CLCC1: variants seen among roughly 807,000 people sequenced by gnomAD.
CLCC1 encodes chloride channel CLIC-like protein 1.
A neutral mutation model predicts 63.3 loss-of-function variants in CLCC1; 39 were observed. The ratio of observed to expected loss-of-function variants is 0.62; its 90% CI spans 0.48 to 0.81. The LOEUF (loss-of-function observed/expected upper bound fraction) is 0.81. Among genes scored for constraint, CLCC1 ranks in the 30% least tolerant of loss-of-function variants. The pLI is 0.00. For synonymous variants in CLCC1, 217 were observed against 239.8 expected, an observed-to-expected ratio of 0.90 and a Z score of 0.88; for missense variants, 549 against 669.4, an observed-to-expected ratio of 0.82 and a Z score of 1.98.
At chr1:108,944,188 G>C (rs1346969394) in intron 5 of CLCC1, 131 bp from the exon 6 acceptor site, 1 of 689,888 alleles carries the variant, frequency 1.4e-6, no homozygotes, top group African/African-American at 1.8e-5. Context: ...AAGAATAATA[G>C]CCTGGGCAAG....
intron 10 of CLCC1, 135 bp from the exon 11 acceptor site, chr1:108,937,553 AT>A (rs1266728645): frequency 5.2e-6 from 4 of 764,542 alleles, no homozygotes; most frequent in Non-Finnish European, 7.8e-6. Context: ...AAACATGTTA[AT>A]TTGACTTTTT....
chr1:108,930,187 C>A lies in CLCC1; in HGVS notation c.*2360G>T. The A allele has an allele frequency of 2.2e-6, 1 of 449,548 alleles. No homozygotes were observed. The allele number at this position is 449,548 out of a possible 1,614,324, so 27.8% of individuals were successfully genotyped here. ...CTGCTTGGGATGTGTTCTTTGGCAG[C>A]TTGTGAGATTACTTTACCTAGTGTT... On this transcript the variant is annotated 3_prime_UTR_variant, in exon 13 of 13. Transcript: ENST00000369969.
chr1:108,940,339 CCATT>C (rs1465168928), intron 8 of CLCC1, among the ~76,000 whole-genome samples, 197 bp from the exon 9 acceptor site: 2 of 151,966 alleles, frequency 1.3e-5, no homozygotes, highest in African/African-American at 4.8e-5. Context: ...TTTTAAAAAT[CCATT>C]CAAATTATAC....
Position 108,939,755 on chromosome 1 carries a change from C to A in CLCC1, c.922G>T (p.Val308Leu). The A allele has an allele frequency of 6.2e-7, 1 of 1,614,052 alleles. No homozygotes were observed. The highest frequency in any genetic ancestry group is 8.5e-7 in the Non-Finnish European group (1 of 1,179,988). ...KALAVTFTTF[V>L]TEPLKHIGKG... is the part of the protein sequence containing the mutation. ...CCAATATGCTTCAATGGCTCCGTTA[C>A]AAATGTGGTGAATGTAACTGCAAGT... is the stretch of plus-strand genomic sequence containing the variant. Residue 308 changes from valine (V) to leucine (L), a missense_variant, in exon 10 of 13, where the codon GTA becomes TTA. Coordinates refer to ENST00000369969, the MANE Select transcript of CLCC1 (RefSeq NM_001377458.1).
chr1:108,935,785 G>C (rs1652832814), intron 11 of CLCC1, among the ~76,000 whole-genome samples: 1 of 152,026 alleles, frequency 6.6e-6, no homozygotes, highest in African/African-American at 2.4e-5. Context: ...ATGAGTAAAG[G>C]CCTGAAGAAA....
Position 108,947,638 on chromosome 1 carries a change from A to C in CLCC1, c.312T>G (p.Ile104Met). 6.2e-7 allele frequency: 1 copy of C among 1,611,320 alleles called. No individual in the cohort carries two copies. The highest frequency in any genetic ancestry group is 8.5e-7 in the Non-Finnish European group (1 of 1,178,490). The change falls in exon 5 of 13, where the codon ATT (isoleucine) becomes ATG (methionine). Residue 104 changes from isoleucine to methionine, a missense_variant. Physicochemically the swap from Ile to Met is conservative, Grantham distance 10. Transcript: ENST00000369969. ...NPVFRRYLNK[I>M]LIEAGKLGLP... ...GTCCAAGCTTTCCAGCTTCAATTAA[A>C]ATCTTATTTAAGTATCTCCTAAAAA...
At chr1:108,937,898 T>G (rs1653253732) in intron 10 of CLCC1, among the ~76,000 whole-genome samples, 1 of 152,204 alleles carries the variant, frequency 6.6e-6, no homozygotes, top group South Asian at 2.1e-4. Flanking sequence ...TGGGAAAAAG[T>G]AGGCAGCAGT....
chr1:108,936,478 C>T (rs1653020025), intron 11 of CLCC1, among the ~76,000 whole-genome samples: 1 of 152,312 alleles, frequency 6.6e-6, no homozygotes, highest in East Asian at 1.9e-4. Flanking sequence ...TTCTATTATG[C>T]TCATAACTGT....
At chr1:108,946,309 C>A (rs374049274) in intron 5 of CLCC1, among the ~76,000 whole-genome samples, 311 of 133,758 alleles carry the variant, frequency 2.3e-3, no homozygotes, top group African/African-American at 3.3e-3. Flanking sequence ...GACTCTGTCT[C>A]AAAAAAAAAA....
chr1:108,941,639 T>C (rs1378919552), intron 7 of CLCC1, 141 bp from the exon 8 acceptor site: 2 of 469,386 alleles, frequency 4.3e-6, no homozygotes, highest in African/African-American at 4.0e-5. Flanking sequence ...AAAAAAAACA[T>C]ATTATTATTA....
At chr1:108,933,882 TATGA>T (rs1260041915) in intron 12 of CLCC1, 1 of 152,198 alleles carries the variant, frequency 6.6e-6, no homozygotes, top group African/African-American at 2.4e-5. Context: ...TTTGCTATAA[TATGA>T]ATTAAGATAT....
chr1:108,937,500 A>G, intron 10 of CLCC1, 82 bp from the exon 11 acceptor site: 1 of 1,175,050 alleles, frequency 8.5e-7, no homozygotes, highest in Non-Finnish European at 1.2e-6. Flanking sequence ...CAGAGTGCTA[A>G]CAAAGTTATG....
Position 108,939,645 on chromosome 1 carries a change from TAATG to T in CLCC1, c.1028_1031del (p.Ala343GlufsTer4). On this transcript the variant is annotated frameshift_variant, in exon 10 of 13. Coordinates refer to ENST00000369969, the MANE Select transcript of CLCC1 (RefSeq NM_001377458.1). LOFTEE classifies it high-confidence loss of function. ...ATATATTAATACTAACCAGGATGGC[TAATG>T]CCATAATTATCAGCACTGGAAGATG... 1 of 1,614,016 alleles carries T rather than the reference TAATG, an allele frequency of 6.2e-7. No individual in the cohort carries two copies. The highest frequency in any genetic ancestry group is 1.1e-5 in the South Asian group (1 of 91,038).
chr1:108,958,805 G>A (rs1445922099), intron 2 of CLCC1, among the ~76,000 whole-genome samples: 2 of 151,178 alleles, frequency 1.3e-5, no homozygotes, highest in South Asian at 2.1e-4. Context: ...GCTTAAACCC[G>A]GGAGGCGGAG....
At position 108,929,677 on chromosome 1, in the gene CLCC1, T is replaced by C. The variant is rs1651561119; in HGVS notation, c.*2870A>G. 1.9e-6 allele frequency: 3 copies of C among 1,610,194 alleles called. No homozygotes were observed. The highest frequency in any genetic ancestry group is 2.5e-6 in the Non-Finnish European group (3 of 1,176,620). ...TGCTTTCTTTCCCACAGTATGTCTT[T>C]TAATCTCTCTCATAAACTTCTAGGG... On this transcript the variant is annotated 3_prime_UTR_variant, in exon 13 of 13. Coordinates refer to ENST00000369969, the MANE Select transcript of CLCC1 (RefSeq NM_001377458.1).
At chr1:108,938,110 G>C in intron 10 of CLCC1, among the ~76,000 whole-genome samples, 1 of 152,134 alleles carries the variant, frequency 6.6e-6, no homozygotes, top group South Asian at 2.1e-4. Flanking sequence ...TACAGTACTC[G>C]TATGTTTTAA....
chr1:108,962,748 G>C (rs1334054410), intron 1 of CLCC1, among the ~76,000 whole-genome samples: 3 of 152,016 alleles, frequency 2.0e-5, no homozygotes, highest in Non-Finnish European at 4.4e-5. Context: ...GCGCGCACCT[G>C]TGGTCCCATC....
intron 9 of CLCC1, 35 bp from the exon 10 acceptor site, chr1:108,939,817 C>A: frequency 6.2e-7 from 1 of 1,604,808 alleles, no homozygotes. Context: ...ATTTTCTCCT[C>A]ACAGGACTAA....
rs769037235 is a variant in CLCC1, at chr1:108,941,445, A to G, written c.756T>C (p.Asn252=). Residue 252 remains asparagine, a synonymous_variant, in exon 8 of 13, where the codon AAT becomes AAC. Transcript: ENST00000369969. ...AEVAKMEPLN[N]VCAKKMDWTG... is the part of the protein sequence containing the mutation. ...TCCAGTCCATCTTTTTGGCACACAC[A>G]TTGTTTAATGGCTCCATCTTGGCGA... 9.3e-6 allele frequency: 15 copies of G among 1,613,962 alleles called. No homozygotes were observed. The highest frequency in any genetic ancestry group is 6.7e-5 in the African/African-American group (5 of 74,896).
Sources: allele counts gnomAD v4.1 joint callset (sites outside exome capture counted in the v4.1 genomes callset), GRCh38; gene constraint gnomAD v4.1.1; transcripts MANE v1.5; gene names NCBI Gene and HGNC (gene_info 2026-07-23, HGNC 2026-07-21).